The following TMEM45A variants were observed in gnomAD, a reference collection of about 807,000 sequenced individuals.
TMEM45A encodes the protein DNA polymerase-transactivated protein 4.
In TMEM45A, 25 loss-of-function variants were observed where a neutral mutation model predicts 32.0. That is an observed-to-expected ratio of 0.78 (90% CI 0.57 to 1.09). The LOEUF is 1.09. Among genes scored for constraint, TMEM45A ranks in the 50% least tolerant of loss-of-function variants. The pLI is 0.00. For synonymous variants in TMEM45A, 122 were observed against 114.8 expected (o/e 1.06, Z -0.40); for missense variants, 302 against 325.0 (o/e 0.93, Z 0.54).
chr3:100,555,104 T>G (rs1706186966), intron 1 of TMEM45A, 105 bp from the exon 2 acceptor site: 2 of 991,454 alleles, frequency 2.0e-6, no homozygotes, highest in African/African-American at 1.6e-5. Context: ...CAGTGATGTA[T>G]CCATAATAAT....
chr3:100,502,679 C>T (rs1708022609), intron 1 of TMEM45A, among the ~76,000 whole-genome samples: 1 of 152,120 alleles, frequency 6.6e-6, no homozygotes, highest in Non-Finnish European at 1.5e-5. Context: ...CTATGTTGTC[C>T]AGGCTAGTCT....
intron 1 of TMEM45A, among the ~76,000 whole-genome samples, chr3:100,504,471 T>A (rs1021906052): frequency 5.3e-5 from 8 of 151,924 alleles, no homozygotes; most frequent in African/African-American, 1.9e-4. Flanking sequence ...GTGGCCAGAG[T>A]GGTTCTTGAA....
At chr3:100,549,578 TG>T (rs763116700) in intron 1 of TMEM45A, among the ~76,000 whole-genome samples, 64 of 152,332 alleles carry the variant, frequency 4.2e-4, no homozygotes, top group Non-Finnish European at 6.2e-4. Context: ...GTGTGTTCTC[TG>T]GGTTTAAATG....
intron 1 of TMEM45A, among the ~76,000 whole-genome samples, chr3:100,515,669 A>G (rs1451720389): frequency 6.6e-6 from 1 of 152,128 alleles, no homozygotes; most frequent in Non-Finnish European, 1.5e-5. Context: ...AGCCACAAAA[A>G]GAATGAAATC....
chr3:100,519,631 A>G, intron 1 of TMEM45A: 1 of 1,550,334 alleles, frequency 6.5e-7, no homozygotes, highest in Non-Finnish European at 8.7e-7. Flanking sequence ...TTTCTGCAGT[A>G]ACCTTTGGTG....
At chr3:100,505,381 C>G (rs927603397) in intron 1 of TMEM45A, among the ~76,000 whole-genome samples, 2 of 151,848 alleles carry the variant, frequency 1.3e-5, no homozygotes, top group African/African-American at 4.8e-5. Context: ...AATCCATTGC[C>G]TATTCCAATG....
intron 1 of TMEM45A, among the ~76,000 whole-genome samples, chr3:100,505,001 C>T (rs937370838): frequency 2.6e-5 from 4 of 152,042 alleles, no homozygotes; most frequent in Non-Finnish European, 2.9e-5. Flanking sequence ...TGTCGTGGGT[C>T]GAGATGATGG....
In TMEM45A at chr3:100,573,343, A is replaced by G. The variant is rs1210166137; in HGVS notation, c.735-3582A>G. On this transcript the variant is annotated intron_variant, in intron 5 of 5. Transcript: ENST00000323523. The stretch of plus-strand genomic sequence containing the variant: ...TCCCTTGTAAGTTGGATTCCTAGGT[A>G]TTTTATTCTCTTTGAAGCAATTGTG... 4.6e-5 allele frequency: 7 copies of G among 151,880 alleles called. 1 individual carries two copies. In the East Asian group the frequency reaches 1.4e-3, roughly 29 times the overall value. The allele number at this position is 151,880 out of a possible 1,614,324, so 9.4% of individuals were successfully genotyped here. A position where few individuals can be genotyped will look rare whatever the true frequency, so the allele number is the denominator to read the frequency against.
intron 4 of TMEM45A, among the ~76,000 whole-genome samples, chr3:100,566,788 G>A (rs1174130565): frequency 1.3e-5 from 2 of 151,918 alleles, no homozygotes; most frequent in African/African-American, 2.4e-5. Flanking sequence ...TTGACCATTT[G>A]TATATTTGCT....
chr3:100,501,195 C>T (rs1015214458), intron 1 of TMEM45A, among the ~76,000 whole-genome samples: 6 of 152,328 alleles, frequency 3.9e-5, no homozygotes, highest in East Asian at 1.9e-4. Flanking sequence ...TCAACATTCC[C>T]GTTGCCTCCG....
chr3:100,571,759 C>T (rs1706566110), intron 5 of TMEM45A: 1 of 152,046 alleles, frequency 6.6e-6, no homozygotes, highest in African/African-American at 2.4e-5. Flanking sequence ...CTATCGACAC[C>T]CCACAACAGT....
chr3:100,510,642 A>G (rs2148935753), intron 1 of TMEM45A, among the ~76,000 whole-genome samples: 1 of 152,396 alleles, frequency 6.6e-6, no homozygotes, highest in East Asian at 1.9e-4. Flanking sequence ...TGACGAGCTG[A>G]GAGAAGAAGG....
At chr3:100,530,781 A>G (rs999102258) in intron 1 of TMEM45A, among the ~76,000 whole-genome samples, 4 of 152,206 alleles carry the variant, frequency 2.6e-5, no homozygotes, top group Non-Finnish European at 5.9e-5. Flanking sequence ...TTGCAATTAC[A>G]GATATGACTC....
At chr3:100,510,695 A>C (rs1398712639) in intron 1 of TMEM45A, among the ~76,000 whole-genome samples, 3 of 152,266 alleles carry the variant, frequency 2.0e-5, no homozygotes, top group African/African-American at 7.2e-5. Context: ...AGGACATTCA[A>C]ACCAAAGTCA....
At chr3:100,516,874 T>C (rs942038021) in intron 1 of TMEM45A, among the ~76,000 whole-genome samples, 2 of 152,170 alleles carry the variant, frequency 1.3e-5, no homozygotes, top group African/African-American at 2.4e-5. Flanking sequence ...GGAGATTTTT[T>C]ACTTTGAGAT....
chr3:100,519,215 C>A (rs1705374491), intron 1 of TMEM45A: 2 of 270,686 alleles, frequency 7.4e-6, no homozygotes, highest in South Asian at 1.7e-4. Flanking sequence ...CTGGTGAAAT[C>A]TACTTGAGCA....
intron 4 of TMEM45A, among the ~76,000 whole-genome samples, chr3:100,564,613 G>C (rs147132018): frequency 1.2e-4 from 19 of 152,166 alleles, no homozygotes; most frequent in African/African-American, 3.1e-4. Flanking sequence ...TCTCCCAAGA[G>C]CTGGGATTAT....
chr3:100,526,271 G>C (rs1705542944), intron 1 of TMEM45A, among the ~76,000 whole-genome samples: 1 of 152,144 alleles, frequency 6.6e-6, no homozygotes, highest in East Asian at 1.9e-4. Context: ...GACACCGTTT[G>C]CAGAGAAGCA....
chr3:100,511,688 A>G (rs1708164637), intron 1 of TMEM45A, among the ~76,000 whole-genome samples: 1 of 150,516 alleles, frequency 6.6e-6, no homozygotes, highest in African/African-American at 2.4e-5. Flanking sequence ...CAAATTGGAT[A>G]AAGAGTCAAG....
Sources: gnomAD v4.1 joint callset for allele counts (sites outside exome capture counted in the v4.1 genomes callset) on GRCh38, gnomAD v4.1.1 for gene constraint, MANE v1.5 for transcripts, NCBI Gene and HGNC (gene_info 2026-07-23, HGNC 2026-07-21) for gene names.